The following LAS1L variants were observed in gnomAD, a reference collection of about 807,000 sequenced individuals.
LAS1L encodes the protein ribosomal biogenesis protein LAS1L.
A neutral mutation model predicts 57.3 loss-of-function variants in LAS1L; 5 were observed. The ratio of observed to expected loss-of-function variants is 0.09; its 90% CI spans 0.05 to 0.18. The LOEUF is 0.18. Among genes scored for constraint, LAS1L ranks in the 10% least tolerant of loss-of-function variants. LAS1L has a pLI of 1.00. For missense variants in LAS1L, 360 were observed against 568.3 expected (o/e 0.63, Z 3.73); for synonymous variants, 245 against 231.7 (o/e 1.06, Z -0.52).
chrX:65,527,924 T>C (rs2069253063), intron 7 of LAS1L, among the ~76,000 whole-genome samples: 1 of 112,020 alleles, frequency 8.9e-6, no homozygotes, highest in Admixed American at 9.4e-5. Context: ...AGACAAGGGC[T>C]AGGCAGTGAG....
In LAS1L at chrX:65,531,448, G is replaced by A. The variant is rs750967111; in HGVS notation, c.433-10C>T. ...AATCCGGAATATTTACCTGATTACA[G>A]GGGAGGGTGTGAGTACAGAAATTGG... On this transcript the variant is annotated splice_polypyrimidine_tract_variant and intron_variant, in intron 3 of 13. Coordinates refer to ENST00000374811, the MANE Select transcript of LAS1L (RefSeq NM_031206.7). 3.4e-6 allele frequency: 4 copies of A among 1,168,664 alleles called. No individual in the cohort carries two copies. The South Asian group carries it at 7.2e-5, about 21-fold the overall frequency.
At position 65,523,553 on chromosome X, in the gene LAS1L, G is replaced by A. The variant is rs1382769911; in HGVS notation, c.1448+7C>T. 8.5e-7 allele frequency: 1 copy of A among 1,170,612 alleles called. No homozygotes were observed. Among genetic ancestry groups the A allele is most frequent in the Admixed American group, 2.5e-5 (1 of 40,051 alleles). On this transcript the variant is annotated splice_region_variant and intron_variant, in intron 11 of 13. Coordinates refer to ENST00000374811, the MANE Select transcript of LAS1L (RefSeq NM_031206.7). ...CCCTCTTACCGGATGGAATTCAAGA[G>A]ACTTACATCCGAAGGAGTTGGGGGC... is the stretch of plus-strand genomic sequence containing the variant.
chrX:65,529,458 T>C (rs1258464786), intron 5 of LAS1L, 136 bp downstream of exon 5: 6 of 783,021 alleles, frequency 7.7e-6, no homozygotes, highest in Non-Finnish European at 1.1e-5. Flanking sequence ...AGGAGGATGG[T>C]TTGTGACAGT....
chrX:65,524,932 C>A (rs375657672), intron 8 of LAS1L, 33 bp downstream of exon 8: 1 of 1,151,312 alleles, frequency 8.7e-7, no homozygotes, highest in African/African-American at 1.8e-5. Context: ...GGAATCAGAA[C>A]CCTAAGGGTG....
chrX:65,519,021 C>G (rs2068747868), intron 11 of LAS1L: 1 of 699,530 alleles, frequency 1.4e-6, no homozygotes, highest in Admixed American at 8.8e-5. Flanking sequence ...AAAAAAAAAG[C>G]AGCGGCTGAC....
chrX:65,517,686 C>T, intron 12 of LAS1L, among the ~76,000 whole-genome samples: 1 of 112,575 alleles, frequency 8.9e-6, no homozygotes, highest in East Asian at 2.8e-4. Flanking sequence ...TATATGTACA[C>T]ACTCCCTACT....
intron 3 of LAS1L, among the ~76,000 whole-genome samples, chrX:65,531,882 C>T (rs1041495377): frequency 8.9e-6 from 1 of 112,274 alleles, no homozygotes; most frequent in African/African-American, 3.2e-5. Flanking sequence ...GATCACGCCA[C>T]TGCACTCCAG....
intron 8 of LAS1L, 143 bp from the exon 9 acceptor site, chrX:65,524,757 C>T: frequency 2.2e-6 from 1 of 446,820 alleles, no homozygotes; most frequent in East Asian, 3.8e-5. Context: ...CATCCCACCC[C>T]ACCCCATTCC....
At chrX:65,516,636 T>C (rs1029528152) in intron 12 of LAS1L, among the ~76,000 whole-genome samples, 10 of 89,586 alleles carry the variant, frequency 1.1e-4, no homozygotes, top group East Asian at 7.5e-4. Context: ...CTTTTTCCTA[T>C]ACACACACAC....
At chrX:65,514,561 C>G (rs1397587431) in intron 13 of LAS1L, among the ~76,000 whole-genome samples, 1 of 108,971 alleles carries the variant, frequency 9.2e-6, no homozygotes, top group Non-Finnish European at 1.9e-5. Flanking sequence ...CACACACACA[C>G]ACACACGTCC....
chrX:65,512,723 G>C lies in LAS1L; in HGVS notation c.*52C>G. ...CAGGGAGCATCAGTTGTACTAGGGG[G>C]TGGGCTGTTGCCCTGGCACGGCTGG... On this transcript the variant is annotated 3_prime_UTR_variant, in exon 14 of 14. Coordinates refer to ENST00000374811, the MANE Select transcript of LAS1L (RefSeq NM_031206.7). The C allele has an allele frequency of 8.8e-7, 1 of 1,138,274 alleles. No homozygotes were observed. The highest frequency in any genetic ancestry group is 3.3e-5 in the East Asian group (1 of 30,477). 93.8% of individuals were successfully genotyped at this position (1,138,274 alleles called of 1,213,427 possible).
At chrX:65,516,333 ATC>A (rs1022294049) in intron 12 of LAS1L, among the ~76,000 whole-genome samples, 1 of 110,986 alleles carries the variant, frequency 9.0e-6, no homozygotes, top group Non-Finnish European at 1.9e-5. Context: ...TGACCCGATC[ATC>A]TCTCTGTCAT....
At chrX:65,524,944 A>G in intron 8 of LAS1L, 21 bp downstream of exon 8, 1 of 1,169,482 alleles carries the variant, frequency 8.6e-7, no homozygotes, top group Non-Finnish European at 1.2e-6. Flanking sequence ...CTAAGGGTGC[A>G]GTGAGCCCCC....
chrX:65,517,868 C>T (rs2068708658), intron 12 of LAS1L, 119 bp downstream of exon 12: 2 of 1,085,441 alleles, frequency 1.8e-6, no homozygotes, highest in South Asian at 2.4e-5. Context: ...AGGCTGCCTT[C>T]CAGGCTTGCC....
Position 65,518,007 on chromosome X carries a change from G to A in LAS1L, c.1907C>T (p.Ser636Phe). Residue 636 changes from serine (S) to phenylalanine (F), a missense_variant, in exon 12 of 14, where the codon TCT becomes TTT. Ser to Phe is a radical substitution (Grantham distance 155). Coordinates refer to ENST00000374811, the MANE Select transcript of LAS1L (RefSeq NM_031206.7). ...CTTACCTGAGCTAACCTGCCATGCA[G>A]AGCCCTGCAAAGCTCCTCTTTTCTG... ...LAQKRGALQGSAWQVSSEDVR... is the reference protein window; with the variant it reads ...LAQKRGALQGFAWQVSSEDVR... 1.7e-6 allele frequency: 2 copies of A among 1,205,990 alleles called. No individual in the cohort carries two copies. The highest frequency in any genetic ancestry group is 1.1e-6 in the Non-Finnish European group (1 of 893,016).
chrX:65,522,905 G>C (rs1042201030), intron 11 of LAS1L: 1 of 112,462 alleles, frequency 8.9e-6, no homozygotes, highest in Non-Finnish European at 1.9e-5. Context: ...AAGAAAGCAA[G>C]AAGGGAATCA....
intron 3 of LAS1L, among the ~76,000 whole-genome samples, chrX:65,531,779 C>T (rs770992037): frequency 9.0e-6 from 1 of 111,727 alleles, no homozygotes; most frequent in African/African-American, 3.3e-5. Context: ...GAAACCCCAT[C>T]TCTACCAAAA....
chrX:65,520,314 C>T, intron 11 of LAS1L: 1 of 303,355 alleles, frequency 3.3e-6, no homozygotes, highest in Non-Finnish European at 4.4e-6. Flanking sequence ...CTTAGAGCCT[C>T]AATGTCTTAT....
chrX:65,529,909 G>C (rs1569442567), intron 4 of LAS1L, 31 bp from the exon 5 acceptor site: 1 of 1,188,297 alleles, frequency 8.4e-7, no homozygotes, highest in East Asian at 3.0e-5. Context: ...AGTGCCACAG[G>C]ATCAGGCAGG....
Sources: gnomAD v4.1 joint callset for allele counts (sites outside exome capture counted in the v4.1 genomes callset) on GRCh38, gnomAD v4.1.1 for gene constraint, MANE v1.5 for transcripts, NCBI Gene and HGNC (gene_info 2026-07-23, HGNC 2026-07-21) for gene names.